The following SAMD13 variants were observed in gnomAD, a reference collection of about 807,000 sequenced individuals.
SAMD13 encodes the protein sterile alpha motif domain containing 13, also known as sterile alpha motif domain-containing protein 13.
A neutral mutation model predicts 12.4 loss-of-function variants in SAMD13; 9 were observed. The ratio of observed to expected loss-of-function variants is 0.72; its 90% CI spans 0.44 to 1.26. The LOEUF (loss-of-function observed/expected upper bound fraction) is 1.26. SAMD13 is among the 50% of genes most tolerant of loss of function. The pLI is 0.00. For synonymous variants in SAMD13, 46 were observed against 45.4 expected (o/e 1.01, Z -0.05); for missense variants, 84 against 119.6 (o/e 0.70, Z 1.39).
intron 2 of SAMD13, among the ~76,000 whole-genome samples, chr1:84,321,413 CAT>C (rs1245753062): frequency 1.3e-5 from 2 of 151,974 alleles, no homozygotes; most frequent in Admixed American, 1.3e-4. Flanking sequence ...ATACATTTAT[CAT>C]ATTAACATGT....
chr1:84,336,628 A>G (rs539196945), intron 3 of SAMD13, among the ~76,000 whole-genome samples: 2 of 152,280 alleles, frequency 1.3e-5, no homozygotes, highest in African/African-American at 4.8e-5. Context: ...GGAATTCAAG[A>G]TGAGATTTGG....
At chr1:84,341,046 G>A (rs1001125807) in intron 3 of SAMD13, among the ~76,000 whole-genome samples, 2 of 152,190 alleles carry the variant, frequency 1.3e-5, no homozygotes, top group African/African-American at 4.8e-5. Context: ...TGGTTCTCAG[G>A]CCTTCAGACT....
Position 84,302,554 on chromosome 1 carries a change from A to G in SAMD13, c.-32-649A>G, listed in dbSNP as rs1018186606. The G allele has an allele frequency of 1.3e-4, 53 of 404,736 alleles. 1 individual carries two copies. The highest frequency in any genetic ancestry group is 1.6e-4 in the Non-Finnish European group (49 of 300,350). The allele number at this position is 404,736 out of a possible 1,614,324, so 25.1% of individuals were successfully genotyped here. A position where few individuals can be genotyped will look rare whatever the true frequency, so the allele number is the denominator to read the frequency against. The stretch of plus-strand genomic sequence containing the variant: ...CTTTCTTACACATACACACACACAC[A>G]CACACACACACACACACACACACCA... On this transcript the variant is annotated intron_variant, in intron 1 of 3. Coordinates refer to ENST00000394834, the MANE Select transcript of SAMD13 (RefSeq NM_001134663.2).
intron 2 of SAMD13, among the ~76,000 whole-genome samples, chr1:84,306,830 A>AAATAATAATAATAATAATAATAATAAT: frequency 1.4e-5 from 2 of 144,484 alleles, no homozygotes; most frequent in African/African-American, 5.0e-5. Flanking sequence ...CTCCGTCTCA[A>AAATAATAATAATAATAATAATAATAAT]AATAATAATA....
At chr1:84,344,401 A>G (rs1055885332) in intron 3 of SAMD13, among the ~76,000 whole-genome samples, 3 of 152,188 alleles carry the variant, frequency 2.0e-5, no homozygotes, top group African/African-American at 7.2e-5. Flanking sequence ...AAGCACAGCC[A>G]TCAGCTGAGA....
chr1:84,300,618 A>G (rs1281552447), upstream of SAMD13, among the ~76,000 whole-genome samples: 3 of 152,190 alleles, frequency 2.0e-5, no homozygotes, highest in East Asian at 5.8e-4. Context: ...ATCTTGACCT[A>G]AAAGTGTCCA....
intron 2 of SAMD13, among the ~76,000 whole-genome samples, chr1:84,312,388 C>T (rs1281685115): frequency 6.6e-6 from 1 of 151,470 alleles, no homozygotes; most frequent in Non-Finnish European, 1.5e-5. Flanking sequence ...CAATTCTGCT[C>T]TTTTTAGATT....
intron 3 of SAMD13, among the ~76,000 whole-genome samples, chr1:84,334,666 A>G (rs1022324240): frequency 9.2e-5 from 14 of 151,998 alleles, no homozygotes; most frequent in African/African-American, 3.4e-4. Context: ...TTAATTTGAG[A>G]TCTTTATAAC....
chr1:84,313,008 G>A (rs1279702597), intron 2 of SAMD13, among the ~76,000 whole-genome samples: 21 of 152,044 alleles, frequency 1.4e-4, no homozygotes, highest in Admixed American at 1.4e-3. Flanking sequence ...TAAGATTCCA[G>A]ATTTTATTTT....
upstream of SAMD13, chr1:84,299,499 C>A: frequency 1.3e-6 from 1 of 780,664 alleles, no homozygotes; most frequent in Non-Finnish European, 1.8e-6. Flanking sequence ...ACCACATACA[C>A]ACACACCCCC....
intron 2 of SAMD13, among the ~76,000 whole-genome samples, chr1:84,325,289 AG>A (rs2101804555): frequency 6.6e-6 from 1 of 152,198 alleles, no homozygotes; most frequent in South Asian, 2.1e-4. Flanking sequence ...CTTTATCCCT[AG>A]ATGTGTGGGG....
intron 3 of SAMD13, 22 bp downstream of exon 3, chr1:84,325,770 CGTGATGAACAT>C: frequency 7.0e-7 from 1 of 1,423,298 alleles, no homozygotes; most frequent in South Asian, 1.2e-5. Flanking sequence ...TAGAGAAACA[CGTGATGAACAT>C]GTGATGAACC....
In SAMD13 at chr1:84,325,633, G is replaced by A. The variant is rs1175543298; in HGVS notation, c.54-4G>A. ...TGACAACTGTCTGGATTTGTGTTTT[G>A]CAGTTCCATGGAAAATGGGAGACCA... is the stretch of plus-strand genomic sequence containing the variant. On this transcript the variant is annotated splice_polypyrimidine_tract_variant and splice_region_variant and intron_variant, in intron 2 of 3. Transcript: ENST00000394834. 2 of 1,577,358 alleles carry A rather than the reference G, an allele frequency of 1.3e-6. No individual in the cohort carries two copies. The highest frequency in any genetic ancestry group is 1.7e-6 in the Non-Finnish European group (2 of 1,146,980).
At position 84,350,057 on chromosome 1, in the gene SAMD13, C is replaced by T. The variant is rs1160469883; in HGVS notation, c.*283C>T. 6.2e-6 allele frequency: 2 copies of T among 322,358 alleles called. No homozygotes were observed. Among genetic ancestry groups the T allele is most frequent in the African/African-American group, 4.3e-5 (2 of 46,558 alleles). The allele number at this position is 322,358 out of a possible 1,614,324, so 20.0% of individuals were successfully genotyped here. ...CTCCTCCCCACAAAGGCTTTGAAAT[C>T]ATAAGGATTTTCCTCATCTCTTTAT... On this transcript the variant is annotated 3_prime_UTR_variant, in exon 4 of 4. Transcript: ENST00000394834.
At chr1:84,349,155 C>A (rs995276690) in intron 3 of SAMD13, among the ~76,000 whole-genome samples, 2 of 152,322 alleles carry the variant, frequency 1.3e-5, no homozygotes, top group South Asian at 4.1e-4. Flanking sequence ...TTCCTAACTT[C>A]TTGATCTTAG....
upstream of SAMD13, chr1:84,299,543 A>T: frequency 7.2e-7 from 1 of 1,398,404 alleles, no homozygotes. Flanking sequence ...AAAGTACACC[A>T]CATAGTGCAC....
chr1:84,304,610 A>G (rs973989846), intron 2 of SAMD13, among the ~76,000 whole-genome samples: 5 of 152,094 alleles, frequency 3.3e-5, no homozygotes, highest in African/African-American at 4.8e-5. Flanking sequence ...GATGACAAAT[A>G]TTTCCATCAC....
chr1:84,303,195 T>C lies in SAMD13; in HGVS notation c.-32-8T>C, dbSNP rs757667190. ...ATTAAACACAAGCTTTTCTCCCTTA[T>C]TGATTAGTTGCTGAAGTAAAGGAAC... is the stretch of plus-strand genomic sequence containing the variant. On this transcript the variant is annotated splice_region_variant and splice_polypyrimidine_tract_variant and intron_variant, in intron 1 of 3. Transcript: ENST00000394834. 32 of 1,603,630 alleles carry C rather than the reference T, an allele frequency of 2.0e-5. No individual in the cohort carries two copies. The highest frequency in any genetic ancestry group is 2.6e-5 in the Non-Finnish European group (31 of 1,170,880).
intron 3 of SAMD13, among the ~76,000 whole-genome samples, chr1:84,327,057 T>C (rs1247909967): frequency 6.6e-6 from 1 of 152,182 alleles, no homozygotes; most frequent in Non-Finnish European, 1.5e-5. Context: ...TTCAGACATC[T>C]ACCCCTTGAT....
Sources: allele counts gnomAD v4.1 joint callset (sites outside exome capture counted in the v4.1 genomes callset), GRCh38; gene constraint gnomAD v4.1.1; transcripts MANE v1.5; gene names NCBI Gene and HGNC (gene_info 2026-07-23, HGNC 2026-07-21).